The following HLCS variants were observed in gnomAD, a reference collection of about 807,000 sequenced individuals.
HLCS encodes the protein holocarboxylase synthetase.
HLCS carries 53 observed loss-of-function variants against 75.0 expected under a neutral mutation model. The ratio of observed to expected loss-of-function variants is 0.71; its 90% confidence interval spans 0.57 to 0.89. HLCS has a LOEUF of 0.89. Ranked by LOEUF, HLCS falls within the 40% of genes least tolerant of loss-of-function variation. The pLI, the probability that HLCS is intolerant of heterozygous loss-of-function variation, is 0.00. For synonymous variants in HLCS, 431 were observed against 428.6 expected (o/e 1.01, Z -0.07); for missense variants, 966 against 1,074.0 (o/e 0.90, Z 1.41).
chr21:36,763,219 T>C (rs2089912894), intron 8 of HLCS, among the ~76,000 whole-genome samples: 1 of 152,136 alleles, frequency 6.6e-6, no homozygotes, highest in Non-Finnish European at 1.5e-5. Context: ...GAGATGGGGT[T>C]TCACCATGTT....
In HLCS at chr21:36,916,480, T is replaced by C. The variant is rs1299647778; in HGVS notation, c.1620+13771A>G. Among the ~76,000 whole-genome samples, 4 of 151,054 alleles carry C rather than the reference T, an allele frequency of 2.6e-5. No homozygotes were observed. In the East Asian group the frequency reaches 7.8e-4, roughly 29 times the overall value. On this transcript the variant is annotated intron_variant, in intron 5 of 10. Transcript: ENST00000674895. ...GAACCTCTCATCTCAGCCTCCCAAG[T>C]AGCTGGGATTATAGGTGCACACCAT... is the stretch of plus-strand genomic sequence containing the variant.
intron 6 of HLCS, among the ~76,000 whole-genome samples, chr21:36,774,191 G>C (rs540632579): frequency 2.0e-4 from 30 of 152,292 alleles, no homozygotes; most frequent in Non-Finnish European, 3.7e-4. Flanking sequence ...TGGCGGCAGG[G>C]TCCACGGCAC....
At chr21:36,960,143 C>CCCA (rs2068213410) in intron 2 of HLCS, among the ~76,000 whole-genome samples, 1 of 121,148 alleles carries the variant, frequency 8.3e-6, no homozygotes, top group Non-Finnish European at 1.7e-5. Flanking sequence ...CCCCCCCCCC[C>CCCA]CCGACCCTGC....
At chr21:36,927,069 G>A (rs1191359934) in intron 5 of HLCS, among the ~76,000 whole-genome samples, 2 of 152,224 alleles carry the variant, frequency 1.3e-5, no homozygotes, top group African/African-American at 4.8e-5. Flanking sequence ...ACGGAGATAG[G>A]TGTGTGGTAA....
intron 6 of HLCS, among the ~76,000 whole-genome samples, chr21:36,803,214 C>T (rs1462931145): frequency 1.3e-5 from 2 of 152,194 alleles, no homozygotes; most frequent in Non-Finnish European, 2.9e-5. Context: ...ATTGACAAGC[C>T]GGCCTTTGTG....
chr21:36,762,696 G>A (rs1039736863), intron 8 of HLCS, among the ~76,000 whole-genome samples: 2 of 152,202 alleles, frequency 1.3e-5, no homozygotes, highest in Admixed American at 1.3e-4. Flanking sequence ...GGTGAGGCTG[G>A]GTAGCTGACT....
chr21:36,939,256 G>T (rs2067032035), intron 2 of HLCS, among the ~76,000 whole-genome samples: 1 of 152,082 alleles, frequency 6.6e-6, no homozygotes. Context: ...ACCTTTTTAA[G>T]GAATTAAAAG....
intron 9 of HLCS, 96 bp from the exon 10 acceptor site, chr21:36,756,851 T>TTCC: frequency 6.3e-7 from 1 of 1,597,056 alleles, no homozygotes; most frequent in South Asian, 1.1e-5. Context: ...GACTGTCAAC[T>TTCC]TCCTCCTTCC....
At chr21:36,917,802 C>T (rs1192950839) in intron 5 of HLCS, among the ~76,000 whole-genome samples, 1 of 152,026 alleles carries the variant, frequency 6.6e-6, no homozygotes, top group African/African-American at 2.4e-5. Flanking sequence ...AAAGCTCGGA[C>T]CTTCCCTTCT....
At chr21:36,808,778 T>C (rs1247468479) in intron 6 of HLCS, among the ~76,000 whole-genome samples, 1 of 152,246 alleles carries the variant, frequency 6.6e-6, no homozygotes, top group Non-Finnish European at 1.5e-5. Flanking sequence ...AGTTCCCAAC[T>C]GGTATTATTT....
rs375508307 is a variant in HLCS, at chr21:36,822,965, A to G, written c.1893-55680T>C. Reference sequence around the variant, plus strand: ...CTTAAATGTATCACTCACTAAAATTACCTGTTATATTGATTAGGGCATAAC... The same window carrying G: ...CTTAAATGTATCACTCACTAAAATTGCCTGTTATATTGATTAGGGCATAAC... On this transcript the variant is annotated intron_variant, in intron 6 of 10. Transcript: ENST00000674895. Among the ~76,000 whole-genome samples the G allele has an allele frequency of 1.3e-4, 20 of 152,344 alleles. 1 individual carries two copies. The highest frequency in any genetic ancestry group is 4.3e-4 in the African/African-American group (18 of 41,570).
At chr21:36,932,342 CT>C (rs1305316784) in intron 4 of HLCS, among the ~76,000 whole-genome samples, 1 of 152,154 alleles carries the variant, frequency 6.6e-6, no homozygotes, top group Non-Finnish European at 1.5e-5. Context: ...TGTCATTTCA[CT>C]TAAGGGTGCA....
intron 6 of HLCS, among the ~76,000 whole-genome samples, chr21:36,783,596 C>T (rs567832794): frequency 9.0e-4 from 137 of 152,268 alleles, no homozygotes; most frequent in African/African-American, 3.3e-3. Flanking sequence ...GAACAAAGAA[C>T]TGGCATTCGG....
intron 5 of HLCS, among the ~76,000 whole-genome samples, chr21:36,903,020 G>A (rs1170550326): frequency 1.3e-5 from 2 of 152,012 alleles, no homozygotes; most frequent in Non-Finnish European, 2.9e-5. Context: ...GAATGCCCCA[G>A]GACCAAAAAG....
At chr21:36,873,071 A>C (rs2063826188) in intron 6 of HLCS, among the ~76,000 whole-genome samples, 1 of 151,902 alleles carries the variant, frequency 6.6e-6, no homozygotes, top group Non-Finnish European at 1.5e-5. Flanking sequence ...TTTCCTGAAA[A>C]CAGATATTGT....
chr21:36,956,951 G>T (rs2067995355), intron 2 of HLCS, among the ~76,000 whole-genome samples: 1 of 151,198 alleles, frequency 6.6e-6, no homozygotes, highest in Non-Finnish European at 1.5e-5. Flanking sequence ...TACTTGGGAG[G>T]CTGAGGCAGA....
intron 6 of HLCS, among the ~76,000 whole-genome samples, chr21:36,869,064 G>C (rs1470462970): frequency 6.6e-6 from 1 of 151,742 alleles, no homozygotes; most frequent in Non-Finnish European, 1.5e-5. Context: ...TTTTTTCAAT[G>C]ACCTGAGTCC....
chr21:36,926,584 TA>T (rs2066416818), intron 5 of HLCS, among the ~76,000 whole-genome samples: 1 of 152,166 alleles, frequency 6.6e-6, no homozygotes, highest in Non-Finnish European at 1.5e-5. Flanking sequence ...TGGCTCATTA[TA>T]AAATAACTAA....
intron 6 of HLCS, among the ~76,000 whole-genome samples, chr21:36,885,696 T>C (rs1212915875): frequency 3.9e-5 from 6 of 152,264 alleles, no homozygotes; most frequent in African/African-American, 1.4e-4. Context: ...GCTGACATAT[T>C]ATCTCGGCGC....
Sources: allele counts gnomAD v4.1 joint callset (sites outside exome capture counted in the v4.1 genomes callset), GRCh38; gene constraint gnomAD v4.1.1; transcripts MANE v1.5; gene names NCBI Gene and HGNC (gene_info 2026-07-23, HGNC 2026-07-21).